The following MCM2 variants were observed in gnomAD, a reference collection of about 807,000 sequenced individuals.
MCM2 encodes minichromosome maintenance complex component 2, also known as DNA replication licensing factor MCM2.
Under a neutral mutation model 86.4 loss-of-function variants are expected in MCM2, and 49 were observed. That is an observed-to-expected ratio of 0.57 (90% CI 0.45 to 0.72). The LOEUF is 0.72. MCM2 is among the 30% of genes least tolerant of loss of function. The probability of loss-of-function intolerance (pLI) is 0.00; values close to 1 mark genes in which losing one functional copy is unlikely to be tolerated. For synonymous variants in MCM2, 475 were observed against 484.6 expected, an observed-to-expected ratio of 0.98 and a Z score of 0.26; for missense variants, 1,038 against 1,259.9, an observed-to-expected ratio of 0.82 and a Z score of 2.67.
chr3:127,602,782 T>C (rs145959771), intron 2 of MCM2, among the ~76,000 whole-genome samples: 2 of 152,324 alleles, frequency 1.3e-5, no homozygotes, highest in Non-Finnish European at 2.9e-5. Context: ...TTTGGCTGAC[T>C]GTGCATGGAA....
At chr3:127,615,389 C>T (rs1363539589) in intron 8 of MCM2, among the ~76,000 whole-genome samples, 1 of 152,220 alleles carries the variant, frequency 6.6e-6, no homozygotes, top group African/African-American at 2.4e-5. Flanking sequence ...GAATTACTTC[C>T]TGGTGGACAC....
intron 15 of MCM2, 60 bp from the exon 16 acceptor site, chr3:127,621,603 G>T (rs910135323): frequency 2.7e-6 from 3 of 1,098,774 alleles, no homozygotes; most frequent in African/African-American, 1.5e-5. Flanking sequence ...TAACTGGGGC[G>T]CTCTGGAAAC....
intron 2 of MCM2, among the ~76,000 whole-genome samples, chr3:127,600,939 T>C (rs1380987736): frequency 1.3e-5 from 2 of 151,814 alleles, no homozygotes; most frequent in African/African-American, 4.8e-5. Context: ...TGCGAAAATA[T>C]AATTCAATGC....
chr3:127,615,603 T>G (rs2074426596), intron 8 of MCM2, among the ~76,000 whole-genome samples: 1 of 152,238 alleles, frequency 6.6e-6, no homozygotes, highest in African/African-American at 2.4e-5. Flanking sequence ...GGAAAGGCCT[T>G]TCTGAAATAT....
intron 2 of MCM2, among the ~76,000 whole-genome samples, chr3:127,604,064 T>C (rs1434487948): frequency 7.9e-5 from 12 of 152,214 alleles, no homozygotes; most frequent in African/African-American, 2.7e-4. Context: ...GCTGGAATTA[T>C]AGGCATGAAC....
At position 127,617,155 on chromosome 3, in the gene MCM2, G is replaced by A; in HGVS notation, c.1773+37G>A. 2 of 1,608,284 alleles carry A rather than the reference G, an allele frequency of 1.2e-6. No individual in the cohort carries two copies. The highest frequency in any genetic ancestry group is 1.7e-6 in the Non-Finnish European group (2 of 1,176,114). ...GGTCACGGAGGCTGGTGGAACTCAGGGGGTGTGTGTGGGCTTGGGCCTTAG... is the reference window on the plus strand; with the variant it reads ...GGTCACGGAGGCTGGTGGAACTCAGAGGGTGTGTGTGGGCTTGGGCCTTAG... On this transcript the variant is annotated intron_variant, in intron 10 of 15. Transcript: ENST00000265056. The surrounding 1 kb of genome is among the most constrained non-coding windows in gnomAD (Gnocchi z 4.1).
At chr3:127,611,471 C>T (rs1206082248) in intron 8 of MCM2, among the ~76,000 whole-genome samples, 4 of 152,146 alleles carry the variant, frequency 2.6e-5, no homozygotes, top group Non-Finnish European at 4.4e-5. Context: ...ACTAATAAGG[C>T]ATCTGCCCGG....
chr3:127,610,425 T>C (rs1316261553), intron 8 of MCM2, among the ~76,000 whole-genome samples: 1 of 152,184 alleles, frequency 6.6e-6, no homozygotes, highest in Non-Finnish European at 1.5e-5. Context: ...TTAGCTGATT[T>C]GTTTTGGTTG....
Position 127,610,070 on chromosome 3 carries a change from C to T in MCM2, c.1428+1047C>T, listed in dbSNP as rs187322510. Among the ~76,000 whole-genome samples, 9 of 152,184 alleles carry T rather than the reference C, an allele frequency of 5.9e-5. No individual in the cohort carries two copies. In the East Asian group the frequency reaches 1.5e-3, roughly 26 times the overall value. ...TGTTGGCCAGGCTGGTCTCGAACTC[C>T]TGACCTCAGGTGATCCGCTTGCCTC... On this transcript the variant is annotated intron_variant, in intron 8 of 15. Coordinates refer to ENST00000265056, the MANE Select transcript of MCM2 (RefSeq NM_004526.4).
In MCM2 at chr3:127,619,016, G is replaced by C. The variant is rs1319704687; in HGVS notation, c.2014-11G>C. The C allele has an allele frequency of 1.6e-5, 25 of 1,576,284 alleles. No homozygotes were observed. The highest frequency in any genetic ancestry group is 2.2e-5 in the Non-Finnish European group (25 of 1,157,234). On this transcript the variant is annotated splice_polypyrimidine_tract_variant and intron_variant, in intron 12 of 15. Transcript: ENST00000265056. ...CCACAATCAGACCCACCCTCTCATG[G>C]CTTATCTTAGGACGAGATGCTGGCC...
At chr3:127,599,985 G>C (rs1255712404) in intron 2 of MCM2, among the ~76,000 whole-genome samples, 1 of 152,178 alleles carries the variant, frequency 6.6e-6, no homozygotes, top group African/African-American at 2.4e-5. Flanking sequence ...GTTAGGAATG[G>C]TCTTGTTTAT....
chr3:127,609,374 G>C (rs2074375769), intron 8 of MCM2, among the ~76,000 whole-genome samples: 1 of 152,216 alleles, frequency 6.6e-6, no homozygotes, highest in Non-Finnish European at 1.5e-5. Flanking sequence ...AATTGGAACA[G>C]AGGCAGGGCA....
At chr3:127,599,223 G>A (rs1262773997) in intron 1 of MCM2, 95 bp from the exon 2 acceptor site, 2 of 976,094 alleles carry the variant, frequency 2.0e-6, no homozygotes, top group Non-Finnish European at 3.2e-6. Context: ...GTCACAGGTG[G>A]AGAGAAAGAA....
intron 13 of MCM2, 106 bp from the exon 14 acceptor site, chr3:127,620,592 C>A: frequency 8.5e-7 from 1 of 1,181,340 alleles, no homozygotes; most frequent in Non-Finnish European, 1.2e-6. Flanking sequence ...TGCTGGGGCA[C>A]TGTCAGATGG....
At position 127,604,997 on chromosome 3, in the gene MCM2, G is replaced by A. The variant is rs1294878320; in HGVS notation, c.514G>A (p.Glu172Lys). 2.5e-6 allele frequency: 4 copies of A among 1,613,988 alleles called. No individual in the cohort carries two copies. Among genetic ancestry groups the A allele is most frequent in the South Asian group, 1.1e-5 (1 of 91,082 alleles). ...EEDEEMIESI[E>K]NLEDLKGHSV... Reference sequence around the variant, plus strand: ...GGACGAGGAGATGATCGAGAGCATCGAGAACCTGGAGGATCTCAAAGGCCA... The same window carrying A: ...GGACGAGGAGATGATCGAGAGCATCAAGAACCTGGAGGATCTCAAAGGCCA... Residue 172 changes from glutamate to lysine, a missense_variant, in exon 4 of 16, where the codon GAG (glutamate) becomes AAG (lysine). By Grantham distance (56) the Glu-to-Lys change is moderately conservative (BLOSUM62 1). Around this residue, in one of 4 missense-constraint regions of MCM2, gnomAD observed 300 missense variants for 307.4 expected, o/e 0.98. Coordinates refer to ENST00000265056, the MANE Select transcript of MCM2 (RefSeq NM_004526.4).
intron 8 of MCM2, among the ~76,000 whole-genome samples, chr3:127,611,635 T>C (rs1055316932): frequency 6.7e-6 from 1 of 150,320 alleles, no homozygotes; most frequent in Non-Finnish European, 1.5e-5. Flanking sequence ...TTCTGTCTTC[T>C]GCAGATTCCA....
chr3:127,600,800 GC>G (rs1422057887), intron 2 of MCM2, among the ~76,000 whole-genome samples: 2 of 151,236 alleles, frequency 1.3e-5, no homozygotes, highest in East Asian at 3.9e-4. Flanking sequence ...AAAGAGAGAG[GC>G]CCTTGGCAGG....
intron 8 of MCM2, among the ~76,000 whole-genome samples, chr3:127,610,281 G>A (rs192223233): frequency 4.6e-5 from 7 of 152,294 alleles, no homozygotes; most frequent in Admixed American, 6.5e-5. Context: ...TCCTTCTGAC[G>A]TATGTAAACC....
chr3:127,610,301 C>G (rs1378463823), intron 8 of MCM2, among the ~76,000 whole-genome samples: 1 of 152,234 alleles, frequency 6.6e-6, no homozygotes, highest in African/African-American at 2.4e-5. Context: ...CCCCCAGGGA[C>G]AGGAGCCATC....
Sources: gnomAD v4.1 joint callset for allele counts (sites outside exome capture counted in the v4.1 genomes callset) on GRCh38, gnomAD v4.1.1 for gene constraint, gnomAD v4.1.1 regional missense constraint, Gnocchi (gnomAD v3.1) non-coding constraint, MANE v1.5 for transcripts, NCBI Gene and HGNC (gene_info 2026-07-23, HGNC 2026-07-21) for gene names.